IGDCC4: variants seen among roughly 807,000 people sequenced by gnomAD.
IGDCC4 encodes the protein immunoglobulin superfamily DCC subclass member 4.
In IGDCC4, 72 loss-of-function variants were observed where a neutral mutation model predicts 116.6. That is an observed-to-expected ratio of 0.62 (90% CI 0.51 to 0.75). IGDCC4 has a LOEUF of 0.75. IGDCC4 is among the 30% of genes least tolerant of loss of function. The pLI is 0.00. For missense variants in IGDCC4, 1,501 were observed against 1,662.4 expected (o/e 0.90, Z 1.69); for synonymous variants, 709 against 719.9 (o/e 0.98, Z 0.24).
chr15:65,392,154 T>C lies in IGDCC4; in HGVS notation c.2102A>G (p.Gln701Arg). The part of the protein sequence containing the change: ...GPVRLKKKVK[Q>R]YELTQLVPGR... ...CTCACCTAGCTGGGTCAGCTCATACTGCTTCACTTTCTTCTTGAGCCGGAC... is the reference window on the plus strand; with the variant it reads ...CTCACCTAGCTGGGTCAGCTCATACCGCTTCACTTTCTTCTTGAGCCGGAC... The change falls in exon 11 of 20, where the codon CAG becomes CGG. Residue 701 changes from glutamine to arginine, a missense_variant. Around this residue, in one of 3 missense-constraint regions of IGDCC4, gnomAD observed 898 missense variants for 978.9 expected, o/e 0.92. Transcript: ENST00000352385. 1.3e-6 allele frequency: 2 copies of C among 1,599,218 alleles called. No homozygotes were observed. Among genetic ancestry groups the C allele is most frequent in the Non-Finnish European group, 1.7e-6 (2 of 1,168,854 alleles).
In IGDCC4 at chr15:65,400,739, T is replaced by C; in HGVS notation, c.841+67A>G. ...GTCGTCACCCATACATCCCCCTGAC[T>C]TAGGGGCATGTGAGATGCCACATCC... On this transcript the variant is annotated intron_variant, in intron 5 of 19. Transcript: ENST00000352385. The C allele has an allele frequency of 2.0e-6, 3 of 1,532,418 alleles. No homozygotes were observed. The South Asian group carries it at 3.8e-5, about 19-fold the overall frequency. The allele number at this position is 1,532,418 out of a possible 1,614,324, so 94.9% of individuals were successfully genotyped here. A position where few individuals can be genotyped will look rare whatever the true frequency, so the allele number is the denominator to read the frequency against.
chr15:65,394,644 C>A, intron 8 of IGDCC4, 96 bp from the exon 9 acceptor site: 2 of 1,248,644 alleles, frequency 1.6e-6, no homozygotes, highest in South Asian at 3.0e-5. Context: ...CACAGCAAGT[C>A]AGAAGTAGGC....
chr15:65,418,989 T>C (rs2063167497), intron 1 of IGDCC4, among the ~76,000 whole-genome samples: 1 of 152,114 alleles, frequency 6.6e-6, no homozygotes, highest in Non-Finnish European at 1.5e-5. Flanking sequence ...TCATGTAACT[T>C]TGGGAAGTCA....
At chr15:65,401,600 T>G (rs1225309654) in intron 4 of IGDCC4, among the ~76,000 whole-genome samples, 3 of 144,818 alleles carry the variant, frequency 2.1e-5, no homozygotes, top group Admixed American at 6.9e-5. Flanking sequence ...GGGGTGGGAG[T>G]GCAGAGAGTG....
chr15:65,389,542 C>A, intron 13 of IGDCC4, 131 bp from the exon 14 acceptor site: 5 of 1,267,336 alleles, frequency 3.9e-6, no homozygotes, highest in Non-Finnish European at 5.6e-6. Flanking sequence ...TGCTCCCTGG[C>A]CTGGAGGCGA....
intron 10 of IGDCC4, 30 bp from the exon 11 acceptor site, chr15:65,392,400 T>G: frequency 2.7e-6 from 4 of 1,461,486 alleles, no homozygotes; most frequent in Non-Finnish European, 3.7e-6. Context: ...GATGGGAAAA[T>G]TAAGGAACAG....
At chr15:65,408,268 T>C (rs771880779) in intron 3 of IGDCC4, among the ~76,000 whole-genome samples, 3 of 152,032 alleles carry the variant, frequency 2.0e-5, no homozygotes, top group Non-Finnish European at 4.4e-5. Context: ...CATGGGGAGA[T>C]TTTGCTGCCT....
rs2091501835 is a variant in IGDCC4, at chr15:65,390,288, C to T, written c.2275G>A (p.Glu759Lys). The change falls in exon 13 of 20, where the codon GAA becomes AAA. Residue 759 changes from glutamate (E) to lysine (K), a missense_variant. This residue lies in a region of IGDCC4 where 235 missense variants were observed against 328.0 expected (regional missense o/e 0.72). Coordinates refer to ENST00000352385, the MANE Select transcript of IGDCC4 (RefSeq NM_020962.3). ...CAGATGGATGTGGAGCTGTTTGATT[C>T]CGCATGGACGTGGGCTGGAGGCAGG... is the stretch of plus-strand genomic sequence containing the variant. ...PPLPPAHVHA[E>K]SNSSTSIWLR... 2 of 1,612,710 alleles carry T rather than the reference C, an allele frequency of 1.2e-6. No individual in the cohort carries two copies. Among genetic ancestry groups the T allele is most frequent in the Non-Finnish European group, 1.7e-6 (2 of 1,178,936 alleles).
In IGDCC4 at chr15:65,410,161, C is replaced by T; in HGVS notation, c.563+17G>A. On this transcript the variant is annotated intron_variant, in intron 3 of 19. Coordinates refer to ENST00000352385, the MANE Select transcript of IGDCC4 (RefSeq NM_020962.3). ...CTGCCCTGCCTACCAGGACCCGCTC[C>T]CCTACAGGGCACTCACCGAGGCTCC... 6.2e-7 allele frequency: 1 copy of T among 1,611,778 alleles called. No homozygotes were observed. The highest frequency in any genetic ancestry group is 8.5e-7 in the Non-Finnish European group (1 of 1,179,942).
At chr15:65,399,787 A>G (rs1309704103) in intron 5 of IGDCC4, among the ~76,000 whole-genome samples, 1 of 152,164 alleles carries the variant, frequency 6.6e-6, no homozygotes, top group Non-Finnish European at 1.5e-5. Flanking sequence ...CGTGATATAC[A>G]CTTTTGAGTA....
At chr15:65,398,340 A>C (rs938265761) in intron 5 of IGDCC4, among the ~76,000 whole-genome samples, 4 of 151,478 alleles carry the variant, frequency 2.6e-5, no homozygotes, top group African/African-American at 4.9e-5. Context: ...TCGAAACCAG[A>C]CTGGCTAACA....
Position 65,402,385 on chromosome 15 carries a change from G to A in IGDCC4, c.666C>T (p.Phe222=), listed in dbSNP as rs766930746. The change falls in exon 4 of 20, where the codon TTC becomes TTT. Residue 222 remains phenylalanine, a synonymous_variant. Transcript: ENST00000352385. ...CVATNSARQH[F]SQEALLSVAH... ...CCACACTGAGTAGGGCCTCCTGGCT[G>A]AAGTGCTGGCGAGCTGAGTTGGTGG... is the stretch of plus-strand genomic sequence containing the variant. 6.4e-7 allele frequency: 1 copy of A among 1,571,460 alleles called. No homozygotes were observed. Among genetic ancestry groups the A allele is most frequent in the Non-Finnish European group, 8.6e-7 (1 of 1,157,368 alleles).
intron 1 of IGDCC4, among the ~76,000 whole-genome samples, chr15:65,413,185 G>A (rs1054659751): frequency 6.6e-6 from 1 of 152,108 alleles, no homozygotes; most frequent in Admixed American, 6.5e-5. Context: ...AGATCCTGCT[G>A]GGAATTGTTA....
At chr15:65,396,272 A>G in intron 6 of IGDCC4, 109 bp from the exon 7 acceptor site, 2 of 1,068,554 alleles carry the variant, frequency 1.9e-6, no homozygotes, top group Non-Finnish European at 2.5e-6. Context: ...CTCCCCTTCC[A>G]ATCACTTTAA....
chr15:65,416,412 C>T (rs2063144944), intron 1 of IGDCC4, among the ~76,000 whole-genome samples: 1 of 152,170 alleles, frequency 6.6e-6, no homozygotes, highest in South Asian at 2.1e-4. Flanking sequence ...GCTGGGATTA[C>T]AGGCATGAGC....
At chr15:65,385,698 G>T in intron 18 of IGDCC4, 133 bp downstream of exon 18, 1 of 775,176 alleles carries the variant, frequency 1.3e-6, no homozygotes, top group Non-Finnish European at 2.3e-6. Flanking sequence ...CCGTGGAGGA[G>T]GGAGAGAGGC....
chr15:65,385,654 G>A (rs2091448039), intron 18 of IGDCC4, 177 bp downstream of exon 18: 1 of 688,006 alleles, frequency 1.5e-6, no homozygotes, highest in African/African-American at 1.8e-5. Flanking sequence ...GCCGGGATAT[G>A]GAGGCCCATG....
rs560108877 is a variant in IGDCC4, at chr15:65,402,266, G to A, written c.700+85C>T. On this transcript the variant is annotated intron_variant, in intron 4 of 19. Transcript: ENST00000352385. Reference sequence around the variant, plus strand: ...CATTTATCACCTACTTGAAGGCAAGGCCTGGACCCCTTGAGGTCCCTCCCA... The same window carrying A: ...CATTTATCACCTACTTGAAGGCAAGACCTGGACCCCTTGAGGTCCCTCCCA... 1,496 of 1,470,022 alleles carry A rather than the reference G, an allele frequency of 1.0e-3. 1 individual carries two copies. The highest frequency in any genetic ancestry group is 1.2e-3 in the Non-Finnish European group (1,346 of 1,092,508). The allele number at this position is 1,470,022 out of a possible 1,614,324, so 91.1% of individuals were successfully genotyped here.
chr15:65,408,177 A>G (rs1160495681), intron 3 of IGDCC4, among the ~76,000 whole-genome samples: 1 of 152,242 alleles, frequency 6.6e-6, no homozygotes, highest in African/African-American at 2.4e-5. Context: ...GGAAGGGTTA[A>G]GTGAGAAAAC....
Sources: gnomAD v4.1 joint callset for allele counts (sites outside exome capture counted in the v4.1 genomes callset) on GRCh38, gnomAD v4.1.1 for gene constraint, gnomAD v4.1.1 regional missense constraint, MANE v1.5 for transcripts, NCBI Gene and HGNC (gene_info 2026-07-23, HGNC 2026-07-21) for gene names.